Variants in CDKAL1 observed in about 807,000 individuals in gnomAD.
The protein encoded by CDKAL1 is CDKAL1 threonylcarbamoyladenosine tRNA methylthiotransferase, also known as threonylcarbamoyladenosine tRNA methylthiotransferase.
In CDKAL1, 32 loss-of-function variants were observed where a neutral mutation model predicts 68.2. The observed-to-expected ratio is 0.47, with a 90% CI of 0.35 to 0.63. The LOEUF (loss-of-function observed/expected upper bound fraction) is 0.63, where lower values mean the gene tolerates loss of function less well. Ranked by LOEUF, CDKAL1 falls within the 30% of genes least tolerant of loss-of-function variation. CDKAL1 has a pLI of 0.00. For synonymous variants in CDKAL1, 234 were observed against 244.3 expected (o/e 0.96, Z 0.39); for missense variants, 606 against 696.7 (o/e 0.87, Z 1.47).
intron 12 of CDKAL1, among the ~76,000 whole-genome samples, chr6:21,096,589 T>C (rs1773329737): frequency 6.6e-6 from 1 of 152,234 alleles, no homozygotes; most frequent in Non-Finnish European, 1.5e-5. Context: ...TACTCTCTCA[T>C]AGTTATGTCT....
At chr6:21,114,239 C>A (rs1774280599) in intron 13 of CDKAL1, among the ~76,000 whole-genome samples, 1 of 109,978 alleles carries the variant, frequency 9.1e-6, no homozygotes. Flanking sequence ...CAGAGCAAGA[C>A]TCTGTCTCAA....
chr6:21,102,489 G>C (rs1773629014), intron 12 of CDKAL1, among the ~76,000 whole-genome samples: 1 of 152,060 alleles, frequency 6.6e-6, no homozygotes, highest in Non-Finnish European at 1.5e-5. Flanking sequence ...GTCCCTTATT[G>C]CATCTTAGTA....
intron 10 of CDKAL1, 135 bp from the exon 11 acceptor site, chr6:21,000,092 T>G: frequency 1.7e-6 from 1 of 581,808 alleles, no homozygotes; most frequent in South Asian, 3.1e-5. Context: ...CAACTGATGT[T>G]CACTTTAAGA....
rs1363762071 is a variant in CDKAL1, at chr6:20,665,644, CACTT to C, written c.371+16269_371+16272del. Among the ~76,000 whole-genome samples the C allele has an allele frequency of 1.5e-4, 23 of 149,302 alleles. No individual in the cohort carries two copies. The South Asian group carries it at 4.6e-3, about 30-fold the overall frequency. On this transcript the variant is annotated intron_variant, in intron 5 of 15. Transcript: ENST00000274695. ...ACAAGAAATACTTAAAATAAGTCCT[CACTT>C]AATGTCAATGATAAGTTCTTGGAAA... is the stretch of plus-strand genomic sequence containing the variant.
chr6:21,150,588 A>C (rs1461291848), intron 13 of CDKAL1, among the ~76,000 whole-genome samples: 1 of 152,196 alleles, frequency 6.6e-6, no homozygotes, highest in Non-Finnish European at 1.5e-5. Flanking sequence ...TGTGTCAGTT[A>C]GCCAAACACT....
intron 9 of CDKAL1, among the ~76,000 whole-genome samples, chr6:20,858,100 C>T (rs1487288649): frequency 1.3e-5 from 2 of 152,164 alleles, no homozygotes; most frequent in African/African-American, 2.4e-5. Context: ...CTCAAGTGAT[C>T]TGCCCACCTC....
chr6:20,726,198 C>A (rs986063745), intron 5 of CDKAL1, among the ~76,000 whole-genome samples: 1 of 151,990 alleles, frequency 6.6e-6, no homozygotes, highest in South Asian at 2.1e-4. Flanking sequence ...GTCTCCACAA[C>A]CCCCCAGACA....
intron 11 of CDKAL1, among the ~76,000 whole-genome samples, chr6:21,029,093 C>G (rs1044434068): frequency 2.0e-5 from 3 of 152,138 alleles, no homozygotes; most frequent in Non-Finnish European, 4.4e-5. Context: ...GTTTCCCAGG[C>G]TGGAATGCAG....
intron 13 of CDKAL1, among the ~76,000 whole-genome samples, chr6:21,121,566 A>C (rs753306071): frequency 1.3e-5 from 2 of 152,224 alleles, no homozygotes; most frequent in Non-Finnish European, 2.9e-5. Flanking sequence ...TGTCATAGGG[A>C]TTAAATGGGA....
At chr6:20,896,073 T>C (rs181602280) in intron 9 of CDKAL1, among the ~76,000 whole-genome samples, 10 of 118,584 alleles carry the variant, frequency 8.4e-5, no homozygotes, top group Admixed American at 2.6e-4. Flanking sequence ...AATGGCTTCT[T>C]TTTTTCTTTT....
At chr6:21,013,105 C>A (rs1225377942) in intron 11 of CDKAL1, among the ~76,000 whole-genome samples, 1 of 152,128 alleles carries the variant, frequency 6.6e-6, no homozygotes, top group Non-Finnish European at 1.5e-5. Flanking sequence ...CCATCTCTGC[C>A]AAGAAACTCA....
chr6:21,067,998 C>A (rs1328885871), intron 12 of CDKAL1, among the ~76,000 whole-genome samples: 1 of 152,084 alleles, frequency 6.6e-6, no homozygotes, highest in Admixed American at 6.6e-5. Flanking sequence ...ATTTGGGTGT[C>A]TTTCTTCATG....
chr6:20,956,847 T>C (rs1764799410), intron 10 of CDKAL1, among the ~76,000 whole-genome samples: 3 of 152,140 alleles, frequency 2.0e-5, no homozygotes, highest in Admixed American at 2.0e-4. Flanking sequence ...TACATTTTTC[T>C]AGCTAGCTCT....
At chr6:20,892,886 G>T (rs1396919095) in intron 9 of CDKAL1, among the ~76,000 whole-genome samples, 1 of 152,152 alleles carries the variant, frequency 6.6e-6, no homozygotes, top group African/African-American at 2.4e-5. Context: ...TTAAACTGAG[G>T]CAAAGTCAAG....
At chr6:20,878,068 G>A (rs1162062982) in intron 9 of CDKAL1, among the ~76,000 whole-genome samples, 1 of 152,116 alleles carries the variant, frequency 6.6e-6, no homozygotes, top group African/African-American at 2.4e-5. Context: ...CTACCAGGAG[G>A]AATTTCTTCC....
At chr6:20,550,860 C>CTTTT (rs70990044) in intron 4 of CDKAL1, among the ~76,000 whole-genome samples, 21 of 72,922 alleles carry the variant, frequency 2.9e-4, no homozygotes, top group East Asian at 4.4e-4. Context: ...GAGGTTGTGT[C>CTTTT]TTTTTTTTTT....
chr6:20,939,223 G>A (rs191794353), intron 9 of CDKAL1, among the ~76,000 whole-genome samples: 1 of 152,010 alleles, frequency 6.6e-6, no homozygotes, highest in African/African-American at 2.4e-5. Context: ...GTATGTTAGA[G>A]GTACTTCTCT....
chr6:20,614,124 C>T (rs925657657), intron 4 of CDKAL1, among the ~76,000 whole-genome samples: 74 of 151,992 alleles, frequency 4.9e-4, no homozygotes, highest in Admixed American at 4.7e-3. Context: ...TGTTGGGTGA[C>T]GCTTACTGAT....
chr6:20,672,307 T>C (rs1361066282), intron 5 of CDKAL1, among the ~76,000 whole-genome samples: 1 of 150,698 alleles, frequency 6.6e-6, no homozygotes, highest in African/African-American at 2.4e-5. Context: ...TCCCTCTCCC[T>C]CTCCCTCTCC....
Sources: allele counts gnomAD v4.1 joint callset (sites outside exome capture counted in the v4.1 genomes callset), GRCh38; gene constraint gnomAD v4.1.1; transcripts MANE v1.5; gene names NCBI Gene and HGNC (gene_info 2026-07-23, HGNC 2026-07-21).